LYPLAL1: variants seen among roughly 807,000 people sequenced by gnomAD.
LYPLAL1 encodes the protein lysophospholipase-like protein 1.
Under a neutral mutation model 19.7 loss-of-function variants are expected in LYPLAL1, and 23 were observed. That is an observed-to-expected ratio of 1.17 (90% confidence interval 0.84 to 1.65). The LOEUF (loss-of-function observed/expected upper bound fraction) is 1.65. Ranked by LOEUF, LYPLAL1 falls within the 40% of genes most tolerant of loss-of-function variation. The probability of loss-of-function intolerance (pLI) is 0.00; values close to 1 mark genes in which losing one functional copy is unlikely to be tolerated. For synonymous variants in LYPLAL1, 119 were observed against 96.3 expected (o/e 1.24, Z -1.38); for missense variants, 355 against 279.4 (o/e 1.27, Z -1.93).
At chr1:219,199,303 C>G (rs868195366) in intron 3 of LYPLAL1, among the ~76,000 whole-genome samples, 2 of 152,104 alleles carry the variant, frequency 1.3e-5, no homozygotes, top group Non-Finnish European at 1.5e-5. Flanking sequence ...TTATTCTGTT[C>G]ATGAATAATC....
At chr1:219,412,349 G>T in the LYPLAL1 span, among the ~76,000 whole-genome samples, 3 of 152,110 alleles carry the variant, frequency 2.0e-5, no homozygotes, top group African/African-American at 7.2e-5. Context: ...TTCTCTTCTT[G>T]GTTTAATGTT....
At chr1:219,383,384 T>C in the LYPLAL1 span, among the ~76,000 whole-genome samples, 1 of 152,240 alleles carries the variant, frequency 6.6e-6, no homozygotes. Context: ...AGAAATGTAG[T>C]GGCATATTTA....
chr1:219,180,086 T>G (rs1392243741), intron 2 of LYPLAL1, among the ~76,000 whole-genome samples: 1 of 152,190 alleles, frequency 6.6e-6, no homozygotes, highest in Non-Finnish European at 1.5e-5. Flanking sequence ...AGCCTTTGCC[T>G]CCCAAGTTCA....
the LYPLAL1 span, among the ~76,000 whole-genome samples, chr1:219,306,761 G>GATAGATAGATAA: frequency 6.6e-6 from 1 of 150,382 alleles, no homozygotes; most frequent in Non-Finnish European, 1.5e-5. Context: ...TAGATAGATA[G>GATAGATAGATAA]ATAGATAGAT....
chr1:219,283,991 G>T, the LYPLAL1 span, among the ~76,000 whole-genome samples: 1 of 152,282 alleles, frequency 6.6e-6, no homozygotes, highest in South Asian at 2.1e-4. Context: ...TAATTCCCAC[G>T]TATGGAGGGA....
chr1:219,378,522 A>G, the LYPLAL1 span, among the ~76,000 whole-genome samples: 1 of 152,176 alleles, frequency 6.6e-6, no homozygotes, highest in African/African-American at 2.4e-5. Flanking sequence ...AAACCATATC[A>G]GCAAGGAAAT....
chr1:219,397,240 A>T, the LYPLAL1 span, among the ~76,000 whole-genome samples: 1 of 152,344 alleles, frequency 6.6e-6, no homozygotes, highest in Non-Finnish European at 1.5e-5. Context: ...AGGTTGAACC[A>T]ACCTTGTATT....
chr1:219,324,485 C>T, the LYPLAL1 span, among the ~76,000 whole-genome samples: 8 of 152,312 alleles, frequency 5.3e-5, no homozygotes, highest in South Asian at 4.1e-4. Flanking sequence ...TATCCCTTCC[C>T]CCTCTGCACT....
At chr1:219,330,319 T>G in the LYPLAL1 span, among the ~76,000 whole-genome samples, 7 of 152,202 alleles carry the variant, frequency 4.6e-5, no homozygotes, top group Non-Finnish European at 1.0e-4. Flanking sequence ...GCAGACAATA[T>G]ATTTAATGCT....
At chr1:219,228,851 G>A in the LYPLAL1 span, among the ~76,000 whole-genome samples, 2 of 151,784 alleles carry the variant, frequency 1.3e-5, no homozygotes, top group South Asian at 2.1e-4. Flanking sequence ...GGCTAATTTT[G>A]TATTTTTATT....
At chr1:219,336,199 T>C in the LYPLAL1 span, among the ~76,000 whole-genome samples, 2 of 151,784 alleles carry the variant, frequency 1.3e-5, no homozygotes, top group Non-Finnish European at 2.9e-5. Flanking sequence ...AAGAGTTCTA[T>C]TAGCTACACC....
the LYPLAL1 span, among the ~76,000 whole-genome samples, chr1:219,262,898 TTTTGTCTTTCCTTGGAGCA>T: frequency 6.6e-6 from 1 of 152,316 alleles, no homozygotes; most frequent in South Asian, 2.1e-4. Context: ...TTAGCTGTTG[TTTTGTCTTTCCTTGGAGCA>T]GGATTATTCT....
the LYPLAL1 span, among the ~76,000 whole-genome samples, chr1:219,291,513 A>C: frequency 6.6e-6 from 1 of 152,130 alleles, no homozygotes; most frequent in African/African-American, 2.4e-5. Flanking sequence ...TCTAATAATA[A>C]TGCTTACTAT....
chr1:219,182,568 A>G (rs1656381801), intron 2 of LYPLAL1, among the ~76,000 whole-genome samples: 1 of 152,020 alleles, frequency 6.6e-6, no homozygotes, highest in South Asian at 2.1e-4. Context: ...CACTCTTTTT[A>G]ATGTGATTGG....
the LYPLAL1 span, chr1:219,410,153 T>C: frequency 2.0e-5 from 3 of 152,338 alleles, no homozygotes; most frequent in South Asian, 2.1e-4. Flanking sequence ...GAATTTTAAG[T>C]AAGAAAGGTA....
rs374814655 is a variant in LYPLAL1 at position 219,194,221 on chromosome 1, T to C, written c.361+970T>C. Among the ~76,000 whole-genome samples the C allele has an allele frequency of 1.8e-4, 28 of 152,074 alleles. No individual in the cohort carries two copies. In the South Asian group the frequency reaches 2.7e-3, roughly 15 times the overall value. On this transcript the variant is annotated intron_variant, in intron 3 of 4. Coordinates refer to ENST00000366928, the MANE Select transcript of LYPLAL1 (RefSeq NM_138794.5). ...TCCTCATTATGTTTAACTCTATATT[T>C]CTGTGTTTCCATGTTTAACGTTGAT...
chr1:219,392,992 G>A, the LYPLAL1 span, among the ~76,000 whole-genome samples: 2 of 152,094 alleles, frequency 1.3e-5, no homozygotes, highest in South Asian at 4.1e-4. Context: ...ATTTTTGCTT[G>A]GGTCTATTGG....
the LYPLAL1 span, among the ~76,000 whole-genome samples, chr1:219,393,905 T>G: frequency 6.6e-6 from 1 of 151,698 alleles, no homozygotes; most frequent in South Asian, 2.1e-4. Flanking sequence ...AAATACTGAT[T>G]CACATGAAAA....
chr1:219,262,751 G>A, the LYPLAL1 span, among the ~76,000 whole-genome samples: 2 of 152,222 alleles, frequency 1.3e-5, no homozygotes, highest in African/African-American at 2.4e-5. Flanking sequence ...GGGGAGGGAA[G>A]TAGACTCTGT....
Sources: allele counts gnomAD v4.1 joint callset (sites outside exome capture counted in the v4.1 genomes callset), GRCh38; gene constraint gnomAD v4.1.1; transcripts MANE v1.5; gene names NCBI Gene and HGNC (gene_info 2026-07-23, HGNC 2026-07-21).